GPM6A: variants seen among roughly 807,000 people sequenced by gnomAD.
GPM6A encodes the protein neuronal membrane glycoprotein M6-a.
A neutral mutation model predicts 32.1 loss-of-function variants in GPM6A; 7 were observed. The observed-to-expected ratio is 0.22, with a 90% CI of 0.12 to 0.41. GPM6A has a LOEUF of 0.41. Ranked by LOEUF, GPM6A falls within the 10% of genes least tolerant of loss-of-function variation. The pLI, the probability that GPM6A is intolerant of heterozygous loss-of-function variation, is 1.00. For missense variants in GPM6A, 235 were observed against 347.2 expected, an observed-to-expected ratio of 0.68 and a Z score of 2.57; for synonymous variants, 130 against 123.4, an observed-to-expected ratio of 1.05 and a Z score of -0.35.
chr4:175,806,635 T>C (rs1318243096), intron 1 of GPM6A, among the ~76,000 whole-genome samples: 1 of 152,208 alleles, frequency 6.6e-6, no homozygotes, highest in African/African-American at 2.4e-5. Flanking sequence ...ACCACAACAA[T>C]GCAGAAGTTC....
intron 2 of GPM6A, among the ~76,000 whole-genome samples, chr4:175,694,144 T>C (rs1196295051): frequency 1.3e-5 from 2 of 152,204 alleles, no homozygotes; most frequent in Non-Finnish European, 2.9e-5. Flanking sequence ...TAACCTCTTC[T>C]TTCTAAATTA....
intron 1 of GPM6A, among the ~76,000 whole-genome samples, chr4:175,716,398 T>G (rs1745843473): frequency 6.6e-6 from 1 of 152,328 alleles, no homozygotes; most frequent in East Asian, 1.9e-4. Flanking sequence ...TCTGAGTAAC[T>G]GGTAAAGAGT....
At chr4:175,916,092 A>T (rs1263488693) in intron 1 of GPM6A, among the ~76,000 whole-genome samples, 1 of 152,134 alleles carries the variant, frequency 6.6e-6, no homozygotes, top group Admixed American at 6.5e-5. Context: ...TGATAGTCTC[A>T]CCATATAAAG....
intron 2 of GPM6A, among the ~76,000 whole-genome samples, chr4:175,685,813 C>A (rs956523358): frequency 2.6e-5 from 4 of 152,168 alleles, no homozygotes; most frequent in Non-Finnish European, 4.4e-5. Context: ...ATACACCCCC[C>A]CACACACATA....
intron 4 of GPM6A, among the ~76,000 whole-genome samples, chr4:175,648,122 A>T (rs184690291): frequency 0.058 from 8,801 of 150,746 alleles, 293 homozygotes; most frequent in Admixed American, 0.079. Context: ...TCTTTTTTTA[A>T]AAAAAAAAGA....
At chr4:175,849,509 T>C (rs918498407) in intron 1 of GPM6A, among the ~76,000 whole-genome samples, 2 of 152,176 alleles carry the variant, frequency 1.3e-5, no homozygotes, top group Non-Finnish European at 2.9e-5. Context: ...TCCATGGACA[T>C]GTTAAGTCAC....
intron 3 of GPM6A, among the ~76,000 whole-genome samples, chr4:175,672,460 A>G (rs548806166): frequency 1.3e-5 from 2 of 152,334 alleles, no homozygotes; most frequent in South Asian, 2.1e-4. Flanking sequence ...CTATTGACAG[A>G]AGGGAAATGA....
At chr4:175,748,051 T>C (rs1175314113) in intron 1 of GPM6A, among the ~76,000 whole-genome samples, 1 of 152,194 alleles carries the variant, frequency 6.6e-6, no homozygotes, top group Non-Finnish European at 1.5e-5. Context: ...CGTGAGATTG[T>C]AGCAATTCAG....
intron 2 of GPM6A, among the ~76,000 whole-genome samples, chr4:175,699,935 C>T (rs969738956): frequency 2.6e-5 from 4 of 152,146 alleles, no homozygotes; most frequent in East Asian, 1.9e-4. Flanking sequence ...CACTCTGTTG[C>T]GAAGGCTGGA....
At chr4:175,700,581 A>T (rs1487987536) in intron 2 of GPM6A, among the ~76,000 whole-genome samples, 1 of 152,220 alleles carries the variant, frequency 6.6e-6, no homozygotes, top group African/African-American at 2.4e-5. Context: ...TTGTAAATCT[A>T]AAAGCATCAT....
chr4:175,755,284 A>T (rs1417638802), intron 1 of GPM6A, among the ~76,000 whole-genome samples: 2 of 152,122 alleles, frequency 1.3e-5, no homozygotes, highest in African/African-American at 4.8e-5. Flanking sequence ...AAAAAAAATA[A>T]ACAAATATGG....
At chr4:175,822,901 T>G (rs1230431521) in intron 1 of GPM6A, among the ~76,000 whole-genome samples, 4 of 152,142 alleles carry the variant, frequency 2.6e-5, no homozygotes, top group Non-Finnish European at 5.9e-5. Context: ...TCTCTTTACA[T>G]GCTTTTTGAT....
intron 1 of GPM6A, among the ~76,000 whole-genome samples, chr4:175,996,727 T>G (rs1463201383): frequency 6.6e-6 from 1 of 152,214 alleles, no homozygotes; most frequent in African/African-American, 2.4e-5. Context: ...TAATTAAAAA[T>G]TTAGTCTTTA....
chr4:175,954,269 T>C (rs1000462153), intron 1 of GPM6A, among the ~76,000 whole-genome samples: 2 of 152,214 alleles, frequency 1.3e-5, no homozygotes, highest in African/African-American at 4.8e-5. Context: ...GCTCTGGTAT[T>C]GTACAACAGA....
intron 1 of GPM6A, among the ~76,000 whole-genome samples, chr4:175,800,000 T>TTCC (rs72533447): frequency 6.6e-6 from 1 of 151,788 alleles, no homozygotes; most frequent in Non-Finnish European, 1.5e-5. Flanking sequence ...TTCATTCAAC[T>TTCC]TGTGGACCCT....
chr4:175,918,461 A>AAT (rs1281841550), intron 1 of GPM6A, among the ~76,000 whole-genome samples: 1 of 152,116 alleles, frequency 6.6e-6, no homozygotes, highest in Non-Finnish European at 1.5e-5. Flanking sequence ...TTTAAGAAAA[A>AAT]TTAGTATTCA....
intron 1 of GPM6A, among the ~76,000 whole-genome samples, chr4:175,786,501 T>G (rs939912368): frequency 6.6e-6 from 1 of 151,894 alleles, no homozygotes; most frequent in African/African-American, 2.4e-5. Flanking sequence ...CCCCATATGG[T>G]GTCTTAATGT....
At chr4:175,903,836 A>C (rs1214214232) in intron 1 of GPM6A, among the ~76,000 whole-genome samples, 1 of 152,148 alleles carries the variant, frequency 6.6e-6, no homozygotes, top group Non-Finnish European at 1.5e-5. Flanking sequence ...GTGAGTGAGG[A>C]ACCAAGGAAA....
At chr4:175,738,787 TTTGA>T (rs1731765032) in intron 1 of GPM6A, among the ~76,000 whole-genome samples, 1 of 152,176 alleles carries the variant, frequency 6.6e-6, no homozygotes. Context: ...GTGCAGATAA[TTTGA>T]TTAAGTCCAA....
Sources: gnomAD v4.1 joint callset for allele counts (sites outside exome capture counted in the v4.1 genomes callset) on GRCh38, gnomAD v4.1.1 for gene constraint, MANE v1.5 for transcripts, NCBI Gene and HGNC (gene_info 2026-07-23, HGNC 2026-07-21) for gene names.